Variants in CHRNA3 observed in about 807,000 individuals in gnomAD.
CHRNA3 encodes cholinergic receptor nicotinic alpha 3 subunit, also known as neuronal acetylcholine receptor subunit alpha-3.
A neutral mutation model predicts 41.9 loss-of-function variants in CHRNA3; 34 were observed. The ratio of observed to expected loss-of-function variants is 0.81; its 90% CI spans 0.62 to 1.08. The LOEUF (loss-of-function observed/expected upper bound fraction) is 1.08. Among genes scored for constraint, CHRNA3 ranks in the 50% least tolerant of loss-of-function variants. The probability of loss-of-function intolerance (pLI) is 0.00; values close to 1 mark genes in which losing one functional copy is unlikely to be tolerated. For missense variants in CHRNA3, 542 were observed against 638.3 expected (o/e 0.85, Z 1.63); for synonymous variants, 281 against 265.2 (o/e 1.06, Z -0.58).
intron 4 of CHRNA3, among the ~76,000 whole-genome samples, chr15:78,604,519 CTG>C (rs1470428012): frequency 6.6e-6 from 1 of 152,198 alleles, no homozygotes; most frequent in Non-Finnish European, 1.5e-5. Context: ...ATCCTGGTCA[CTG>C]TGGCTGCTGC....
At chr15:78,620,100 C>G (rs141609826) in intron 1 of CHRNA3, 1 of 152,462 alleles carries the variant, frequency 6.6e-6, no homozygotes, top group Non-Finnish European at 1.5e-5. Context: ...GGGCCAGGGC[C>G]GGCTTCCCCC....
At chr15:78,619,317 G>A (rs1166467892) in intron 1 of CHRNA3, 4 of 217,392 alleles carry the variant, frequency 1.8e-5, no homozygotes, top group African/African-American at 9.2e-5. Flanking sequence ...GAAGTGCACA[G>A]CTTGGTGCTG....
chr15:78,593,309 C>T, downstream of CHRNA3: 1 of 1,457,134 alleles, frequency 6.9e-7, no homozygotes, highest in Admixed American at 2.5e-5. Flanking sequence ...TCTGATGGCA[C>T]CTATAAAATT....
intron 4 of CHRNA3, among the ~76,000 whole-genome samples, chr15:78,608,448 G>T (rs113177954): frequency 6.6e-6 from 1 of 152,212 alleles, no homozygotes; most frequent in Non-Finnish European, 1.5e-5. Context: ...TGCAGCCACC[G>T]CTGCTGATAC....
At chr15:78,612,445 T>C (rs1391581362) in intron 4 of CHRNA3, among the ~76,000 whole-genome samples, 2 of 45,538 alleles carry the variant, frequency 4.4e-5, no homozygotes, top group African/African-American at 1.1e-4. Context: ...TTGACAAACC[T>C]GACAAAAACA....
At chr15:78,613,270 C>T (rs1274551174) in intron 4 of CHRNA3, among the ~76,000 whole-genome samples, 8 of 151,968 alleles carry the variant, frequency 5.3e-5, no homozygotes, top group Admixed American at 2.0e-4. Flanking sequence ...CACATGCACA[C>T]GTATGTTTAT....
At chr15:78,605,080 A>C (rs1233884942) in intron 4 of CHRNA3, among the ~76,000 whole-genome samples, 1 of 152,130 alleles carries the variant, frequency 6.6e-6, no homozygotes, top group Non-Finnish European at 1.5e-5. Flanking sequence ...GGGTCTGAGC[A>C]ATGTACTGCC....
At chr15:78,603,504 C>T (rs1380768135) in intron 4 of CHRNA3, among the ~76,000 whole-genome samples, 1 of 152,192 alleles carries the variant, frequency 6.6e-6, no homozygotes, top group African/African-American at 2.4e-5. Context: ...TCGGATCAGC[C>T]CTGTTAAGTT....
intron 4 of CHRNA3, among the ~76,000 whole-genome samples, chr15:78,609,269 A>G (rs2053345811): frequency 6.6e-6 from 1 of 152,210 alleles, no homozygotes; most frequent in Non-Finnish European, 1.5e-5. Context: ...TCCAAGACAC[A>G]TAATAGTCAG....
intron 4 of CHRNA3, among the ~76,000 whole-genome samples, chr15:78,611,529 G>A (rs1050021194): frequency 2.0e-5 from 3 of 151,868 alleles, no homozygotes; most frequent in Admixed American, 6.6e-5. Flanking sequence ...AACCCTTCAC[G>A]CTAAAAACTC....
chr15:78,601,118 T>C, intron 5 of CHRNA3, 135 bp downstream of exon 5: 3 of 767,726 alleles, frequency 3.9e-6, no homozygotes, highest in Non-Finnish European at 2.1e-6. Context: ...CAAGGACATA[T>C]AACTGGTCTT....
At chr15:78,611,819 C>A (rs570355647) in intron 4 of CHRNA3, among the ~76,000 whole-genome samples, 23 of 152,100 alleles carry the variant, frequency 1.5e-4, no homozygotes, top group African/African-American at 5.5e-4. Flanking sequence ...ATCTAGAAAA[C>A]CCCATTGTCT....
In CHRNA3 at chr15:78,601,460, G is replaced by T. The variant is rs1051731; in HGVS notation, c.1182C>A (p.Gly394=). The part of the protein sequence containing the change: ...SRAESKGCKE[G]YPCQDGMCGY... ...CACACATCCCGTCCTGGCAGGGGTA[G>T]CCCTCCTTGCAGCCTTTGGACTCTG... Residue 394 remains glycine (G), a synonymous_variant, in exon 5 of 6, where the codon GGC becomes GGA. Coordinates refer to ENST00000326828, the MANE Select transcript of CHRNA3 (RefSeq NM_000743.5). 6.2e-7 allele frequency: 1 copy of T among 1,614,056 alleles called. No individual in the cohort carries two copies. The highest frequency in any genetic ancestry group is 8.5e-7 in the Non-Finnish European group (1 of 1,180,042).
chr15:78,606,008 C>A (rs1293399813), intron 4 of CHRNA3, among the ~76,000 whole-genome samples: 1 of 152,014 alleles, frequency 6.6e-6, no homozygotes, highest in African/African-American at 2.4e-5. Flanking sequence ...AGCAACGAAG[C>A]TTTATGAAAA....
chr15:78,597,127 T>C (rs962348859), intron 5 of CHRNA3, among the ~76,000 whole-genome samples: 1 of 152,224 alleles, frequency 6.6e-6, no homozygotes, highest in Non-Finnish European at 1.5e-5. Context: ...CAAAGTACTC[T>C]ATCCAGTTTT....
chr15:78,601,906 T>C lies in CHRNA3; in HGVS notation c.736A>G (p.Ile246Val). 3 of 1,613,920 alleles carry C rather than the reference T, an allele frequency of 1.9e-6. No individual in the cohort carries two copies. Among genetic ancestry groups the C allele is most frequent in the Non-Finnish European group, 2.5e-6 (3 of 1,179,922 alleles). ...AGCAGGCAGGGGATGATGAGGTTGA[T>C]GGTGTAGAACAAGGGCAGGCGCCGG... ...YIRRLPLFYT[I>V]NLIIPCLLIS... The change falls in exon 5 of 6, where the codon ATC (isoleucine) becomes GTC (valine). Residue 246 changes from isoleucine (I) to valine (V), a missense_variant. By Grantham distance (29) the Ile-to-Val change is conservative. Coordinates refer to ENST00000326828, the MANE Select transcript of CHRNA3 (RefSeq NM_000743.5).
chr15:78,595,397 A>T lies in CHRNA3; in HGVS notation c.*1207T>A. On this transcript the variant is annotated 3_prime_UTR_variant, in exon 6 of 6. Coordinates refer to ENST00000326828, the MANE Select transcript of CHRNA3 (RefSeq NM_000743.5). ...TGTGAATCATCTGTCAGTGGTGATG[A>T]TCACGTTAAGTTTCAGAAGTGTAGT... 1.0e-6 allele frequency: 1 copy of T among 985,026 alleles called. No individual in the cohort carries two copies. Among genetic ancestry groups the T allele is most frequent in the Non-Finnish European group, 1.2e-6 (1 of 829,570 alleles). 61.0% of individuals were successfully genotyped at this position (985,026 alleles called of 1,614,324 possible).
intron 3 of CHRNA3, 135 bp downstream of exon 3, chr15:78,618,482 C>T: frequency 2.1e-6 from 2 of 953,020 alleles, no homozygotes; most frequent in Non-Finnish European, 1.6e-6. Context: ...AGAGATATAT[C>T]TGCCAGTCAG....
In CHRNA3 at chr15:78,618,607, G is replaced by A. The variant is rs2053501106; in HGVS notation, c.267+10C>T. The A allele has an allele frequency of 6.2e-7, 1 of 1,613,932 alleles. No homozygotes were observed. Among genetic ancestry groups the A allele is most frequent in the East Asian group, 2.2e-5 (1 of 44,882 alleles). ...CAGGGGGCAGCAGTGCCTAGGGTCT[G>A]GTCACTTACTTGCTTGAGCCACAGG... On this transcript the variant is annotated intron_variant, in intron 3 of 5. Transcript: ENST00000326828.
Sources: allele counts gnomAD v4.1 joint callset (sites outside exome capture counted in the v4.1 genomes callset), GRCh38; gene constraint gnomAD v4.1.1; transcripts MANE v1.5; gene names NCBI Gene and HGNC (gene_info 2026-07-23, HGNC 2026-07-21).